SPAG16: variants seen among roughly 807,000 people sequenced by gnomAD.
The protein encoded by SPAG16 is sperm associated antigen 16.
In SPAG16, 86 loss-of-function variants were observed where a neutral mutation model predicts 80.4. The ratio of observed to expected loss-of-function variants is 1.07; its 90% CI spans 0.90 to 1.28. SPAG16 has a LOEUF of 1.28. SPAG16 is among the 50% of genes most tolerant of loss of function. SPAG16 has a pLI of 0.00. For synonymous variants in SPAG16, 294 were observed against 265.9 expected (o/e 1.11, Z -1.03); for missense variants, 870 against 765.3 (o/e 1.14, Z -1.61).
intron 10 of SPAG16, among the ~76,000 whole-genome samples, chr2:213,598,722 G>A (rs2060961962): frequency 6.6e-6 from 1 of 152,184 alleles, no homozygotes; most frequent in South Asian, 2.1e-4. Context: ...TTCTCCTTTT[G>A]TGGGGAAAGA....
At chr2:213,842,913 T>G (rs2074433347) in intron 10 of SPAG16, among the ~76,000 whole-genome samples, 1 of 152,146 alleles carries the variant, frequency 6.6e-6, no homozygotes, top group Non-Finnish European at 1.5e-5. Flanking sequence ...TACAGGCATA[T>G]GCCACCACAC....
intron 10 of SPAG16, among the ~76,000 whole-genome samples, chr2:213,749,091 G>A (rs1301751552): frequency 1.3e-5 from 2 of 152,106 alleles, no homozygotes; most frequent in East Asian, 3.9e-4. Flanking sequence ...AGGTTGCAGT[G>A]AGCCGAGATC....
intron 12 of SPAG16, among the ~76,000 whole-genome samples, chr2:213,992,630 T>C (rs965327622): frequency 6.6e-6 from 1 of 152,172 alleles, no homozygotes; most frequent in Admixed American, 6.6e-5. Flanking sequence ...AGGATTACTG[T>C]TTGAAGAAAT....
intron 9 of SPAG16, among the ~76,000 whole-genome samples, chr2:213,445,836 T>G (rs1020566509): frequency 3.9e-5 from 6 of 152,176 alleles, no homozygotes; most frequent in African/African-American, 9.7e-5. Context: ...CTGGAATGCT[T>G]GTACACTGTT....
intron 9 of SPAG16, among the ~76,000 whole-genome samples, chr2:213,470,466 C>A (rs2073017377): frequency 6.6e-6 from 1 of 152,126 alleles, no homozygotes; most frequent in Non-Finnish European, 1.5e-5. Context: ...TTCCACTGGG[C>A]ACAAATCTCT....
intron 10 of SPAG16, among the ~76,000 whole-genome samples, chr2:213,590,131 A>C (rs2060632955): frequency 6.6e-6 from 1 of 152,152 alleles, no homozygotes; most frequent in Non-Finnish European, 1.5e-5. Context: ...TTGCTATGAA[A>C]ATCAGGCTAG....
At chr2:213,857,945 T>C (rs1043166076) in intron 10 of SPAG16, among the ~76,000 whole-genome samples, 1 of 152,158 alleles carries the variant, frequency 6.6e-6, no homozygotes, top group Non-Finnish European at 1.5e-5. Flanking sequence ...TCACATCAGA[T>C]GTGATAGAAA....
At chr2:213,781,394 A>G (rs1474567833) in intron 10 of SPAG16, among the ~76,000 whole-genome samples, 1 of 152,168 alleles carries the variant, frequency 6.6e-6, no homozygotes, top group Non-Finnish European at 1.5e-5. Context: ...ATAAAAAGAA[A>G]AGCAAAAAGT....
intron 15 of SPAG16, among the ~76,000 whole-genome samples, chr2:214,382,525 G>GACTT (rs1339570246): frequency 2.0e-5 from 3 of 152,198 alleles, no homozygotes; most frequent in South Asian, 2.1e-4. Flanking sequence ...ATAGCCTTCA[G>GACTT]ACTTAAGCTC....
At position 213,718,874 on chromosome 2, in the gene SPAG16, C is replaced by T. The variant is rs556435285; in HGVS notation, c.1071-143611C>T. Among the ~76,000 whole-genome samples the T allele has an allele frequency of 8.2e-4, 125 of 152,306 alleles. 1 individual carries two copies. The highest frequency in any genetic ancestry group is 2.9e-3 in the African/African-American group (121 of 41,574). On this transcript the variant is annotated intron_variant, in intron 10 of 15. Coordinates refer to ENST00000331683, the MANE Select transcript of SPAG16 (RefSeq NM_024532.5). The stretch of plus-strand genomic sequence containing the variant: ...TCGACCACCCAAGGGCTGAGGAATG[C>T]GAGCACACGGCGCAGGACTGGCAGG...
chr2:213,778,676 T>A (rs937914930), intron 10 of SPAG16, among the ~76,000 whole-genome samples: 2 of 152,150 alleles, frequency 1.3e-5, no homozygotes, highest in African/African-American at 4.8e-5. Context: ...TCCCTTCTGT[T>A]CTGTCCCTAC....
intron 15 of SPAG16, among the ~76,000 whole-genome samples, chr2:214,244,553 A>T (rs1295742087): frequency 6.6e-6 from 1 of 152,084 alleles, no homozygotes; most frequent in Non-Finnish European, 1.5e-5. Context: ...ACCCACAAAA[A>T]ATCATACATT....
At chr2:213,831,456 T>C (rs558187373) in intron 10 of SPAG16, among the ~76,000 whole-genome samples, 1 of 152,122 alleles carries the variant, frequency 6.6e-6, no homozygotes, top group East Asian at 1.9e-4. Context: ...ATTCCTTTCT[T>C]ACATTTGTGT....
In SPAG16 at chr2:213,912,031, C is replaced by T. The variant is rs535123884; in HGVS notation, c.1215-17929C>T. On this transcript the variant is annotated intron_variant, in intron 11 of 15. Coordinates refer to ENST00000331683, the MANE Select transcript of SPAG16 (RefSeq NM_024532.5). ...AAATAACTACAAAATCCTGCAAACT[C>T]ATAATATTTAGCTAGGTTATTCTGT... Among the ~76,000 whole-genome samples, 17 of 152,140 alleles carry T rather than the reference C, an allele frequency of 1.1e-4. No homozygotes were observed. In the South Asian group the frequency reaches 3.5e-3, roughly 32 times the overall value.
intron 12 of SPAG16, among the ~76,000 whole-genome samples, chr2:213,999,293 A>G (rs903181659): frequency 3.3e-5 from 5 of 152,232 alleles, no homozygotes; most frequent in African/African-American, 9.6e-5. Context: ...TGCTCCAGCC[A>G]TGGCTGAAAG....
chr2:213,652,916 C>T (rs2063075412), intron 10 of SPAG16, among the ~76,000 whole-genome samples: 1 of 152,072 alleles, frequency 6.6e-6, no homozygotes, highest in Non-Finnish European at 1.5e-5. Context: ...AAATTCTTTG[C>T]CTAGCTCTTG....
intron 10 of SPAG16, among the ~76,000 whole-genome samples, chr2:213,629,417 C>T (rs900491354): frequency 2.6e-5 from 4 of 152,112 alleles, no homozygotes; most frequent in Non-Finnish European, 4.4e-5. Flanking sequence ...ATATATATTC[C>T]GTCAGTCTCT....
chr2:214,261,229 TTCTC>T (rs1180725718), intron 15 of SPAG16, among the ~76,000 whole-genome samples: 1 of 151,240 alleles, frequency 6.6e-6, no homozygotes, highest in African/African-American at 2.4e-5. Context: ...CCCTCTCTTT[TTCTC>T]TCTCTTTCCT....
chr2:213,640,521 G>T (rs1199842504), intron 10 of SPAG16, among the ~76,000 whole-genome samples: 1 of 152,104 alleles, frequency 6.6e-6, no homozygotes, highest in African/African-American at 2.4e-5. Flanking sequence ...TTTGTCTTCT[G>T]GGTCTAGCCA....
Sources: allele counts gnomAD v4.1 joint callset (sites outside exome capture counted in the v4.1 genomes callset), GRCh38; gene constraint gnomAD v4.1.1; transcripts MANE v1.5; gene names NCBI Gene and HGNC (gene_info 2026-07-23, HGNC 2026-07-21).